Variants in SGCG observed in about 807,000 individuals in gnomAD.
SGCG encodes the protein sarcoglycan gamma, also known as gamma-sarcoglycan.
A neutral mutation model predicts 29.3 loss-of-function variants in SGCG; 26 were observed. The ratio of observed to expected loss-of-function variants is 0.89; its 90% confidence interval spans 0.65 to 1.23. The LOEUF is 1.23. Ranked by LOEUF, SGCG falls within the 50% of genes most tolerant of loss-of-function variation. The pLI is 0.00. For missense variants in SGCG, 353 were observed against 356.0 expected, an observed-to-expected ratio of 0.99 and a Z score of 0.07; for synonymous variants, 145 against 129.7, an observed-to-expected ratio of 1.12 and a Z score of -0.80.
intron 3 of SGCG, among the ~76,000 whole-genome samples, chr13:23,238,581 A>C (rs911761605): frequency 6.6e-6 from 1 of 152,220 alleles, no homozygotes; most frequent in Admixed American, 6.5e-5. Context: ...TAGGAAAAAA[A>C]TCCTGCTCTG....
intron 4 of SGCG, among the ~76,000 whole-genome samples, chr13:23,274,395 C>T (rs141693160): frequency 0.063 from 5,325 of 84,700 alleles, 50 homozygotes; most frequent in Non-Finnish European, 0.072. Flanking sequence ...CTTTCTTTCT[C>T]TTTTTTTTTT....
chr13:23,306,648 C>G (rs1882371331), intron 6 of SGCG, among the ~76,000 whole-genome samples: 1 of 152,126 alleles, frequency 6.6e-6, no homozygotes, highest in South Asian at 2.1e-4. Flanking sequence ...TTTTATTTGT[C>G]ACAAGTTAAT....
intron 6 of SGCG, among the ~76,000 whole-genome samples, chr13:23,302,671 G>GT (rs67305862): frequency 2.6e-4 from 4 of 15,652 alleles, no homozygotes; most frequent in Non-Finnish European, 1.6e-3. Flanking sequence ...ATTTTTAAAA[G>GT]AAAAAATCAA....
chr13:23,222,224 G>C (rs754093206), intron 2 of SGCG, among the ~76,000 whole-genome samples: 23 of 152,136 alleles, frequency 1.5e-4, no homozygotes, highest in Admixed American at 4.6e-4. Flanking sequence ...TACACGTATT[G>C]CAACATCTTC....
At chr13:23,224,712 G>A (rs1389313847) in intron 2 of SGCG, among the ~76,000 whole-genome samples, 2 of 143,216 alleles carry the variant, frequency 1.4e-5, no homozygotes, top group Non-Finnish European at 1.5e-5. Flanking sequence ...GCTAACTAGC[G>A]AGTACATTTT....
At chr13:23,199,308 G>A (rs879528761) in intron 1 of SGCG, among the ~76,000 whole-genome samples, 2 of 152,156 alleles carry the variant, frequency 1.3e-5, no homozygotes, top group Non-Finnish European at 2.9e-5. Context: ...CACTAATTAT[G>A]TTTTGTAAAG....
chr13:23,266,875 A>G (rs1880662129), intron 4 of SGCG, among the ~76,000 whole-genome samples: 1 of 152,190 alleles, frequency 6.6e-6, no homozygotes, highest in Admixed American at 6.5e-5. Flanking sequence ...CTGCAGAACC[A>G]TGAGCCAGTT....
chr13:23,209,869 A>G (rs1252841564), intron 2 of SGCG, among the ~76,000 whole-genome samples: 2 of 152,228 alleles, frequency 1.3e-5, no homozygotes, highest in African/African-American at 4.8e-5. Flanking sequence ...GCAGTTAGTG[A>G]TCATTCATTG....
intron 5 of SGCG, among the ~76,000 whole-genome samples, chr13:23,293,094 G>GGA (rs1881779501): frequency 6.6e-6 from 1 of 152,130 alleles, no homozygotes; most frequent in Admixed American, 6.5e-5. Context: ...CATTTATTGT[G>GGA]GAAACTCCAG....
At chr13:23,230,041 T>A (rs1342235443) in intron 2 of SGCG, among the ~76,000 whole-genome samples, 1 of 152,208 alleles carries the variant, frequency 6.6e-6, no homozygotes, top group African/African-American at 2.4e-5. Flanking sequence ...GAATAGGCAG[T>A]TATTTCCCCT....
intron 1 of SGCG, among the ~76,000 whole-genome samples, chr13:23,189,813 G>A (rs1287836352): frequency 1.3e-5 from 2 of 152,164 alleles, no homozygotes; most frequent in Non-Finnish European, 1.5e-5. Context: ...CTTGGTTTCA[G>A]AATTAGAGAA....
intron 1 of SGCG, among the ~76,000 whole-genome samples, chr13:23,199,908 C>T (rs1174871310): frequency 6.6e-6 from 1 of 152,102 alleles, no homozygotes; most frequent in Non-Finnish European, 1.5e-5. Context: ...TGGGGGGACT[C>T]AAGAGCCAAA....
chr13:23,254,207 T>A (rs1880091712), intron 4 of SGCG, among the ~76,000 whole-genome samples: 1 of 152,144 alleles, frequency 6.6e-6, no homozygotes, highest in Non-Finnish European at 1.5e-5. Flanking sequence ...AGTTTGGGAC[T>A]TCTTAGAGAC....
At chr13:23,312,975 T>C (rs145127560) in intron 6 of SGCG, among the ~76,000 whole-genome samples, 1 of 152,162 alleles carries the variant, frequency 6.6e-6, no homozygotes, top group Non-Finnish European at 1.5e-5. Context: ...GTATGTAAGG[T>C]GAGTTACCCA....
intron 1 of SGCG, among the ~76,000 whole-genome samples, chr13:23,185,219 C>T (rs1876921952): frequency 6.6e-6 from 1 of 152,156 alleles, no homozygotes; most frequent in Non-Finnish European, 1.5e-5. Flanking sequence ...AGAATTCCAT[C>T]AGCATACCTG....
At chr13:23,188,311 C>CTTTTTTTTT (rs71100159) in intron 1 of SGCG, among the ~76,000 whole-genome samples, 1 of 78,352 alleles carries the variant, frequency 1.3e-5, no homozygotes, top group African/African-American at 4.9e-5. Context: ...TTTACTAAGG[C>CTTTTTTTTT]TTTTTTTTTT....
intron 6 of SGCG, among the ~76,000 whole-genome samples, chr13:23,300,996 G>T (rs1456303974): frequency 6.6e-6 from 1 of 152,006 alleles, no homozygotes; most frequent in Non-Finnish European, 1.5e-5. Context: ...GGCACCTGTA[G>T]TTCCAGCTAC....
intron 2 of SGCG, among the ~76,000 whole-genome samples, chr13:23,206,987 C>CA (rs745745295): frequency 1.7e-4 from 26 of 152,070 alleles, no homozygotes; most frequent in Non-Finnish European, 3.2e-4. Flanking sequence ...CATGTGGAAC[C>CA]ACAAAAGACC....
intron 4 of SGCG, among the ~76,000 whole-genome samples, chr13:23,274,366 C>G (rs1880980363): frequency 6.7e-6 from 1 of 148,232 alleles, no homozygotes; most frequent in Non-Finnish European, 1.5e-5. Flanking sequence ...TTAAGTAATG[C>G]AAGGGTGTGT....
Sources: gnomAD v4.1 joint callset for allele counts (sites outside exome capture counted in the v4.1 genomes callset) on GRCh38, gnomAD v4.1.1 for gene constraint, MANE v1.5 for transcripts, NCBI Gene and HGNC (gene_info 2026-07-23, HGNC 2026-07-21) for gene names.